DTNB: variants seen among roughly 807,000 people sequenced by gnomAD.
The protein encoded by DTNB is DTN-B.
A neutral mutation model predicts 90.7 loss-of-function variants in DTNB; 63 were observed. That is an observed-to-expected ratio of 0.69 (90% CI 0.57 to 0.86). The LOEUF (loss-of-function observed/expected upper bound fraction) is 0.86, where lower values mean the gene tolerates loss of function less well. Among genes scored for constraint, DTNB ranks in the 40% least tolerant of loss-of-function variants. The pLI is 0.00. For synonymous variants in DTNB, 277 were observed against 286.7 expected, an observed-to-expected ratio of 0.97 and a Z score of 0.34; for missense variants, 744 against 807.1, an observed-to-expected ratio of 0.92 and a Z score of 0.95.
chr2:25,445,528 A>C (rs2058270504), intron 12 of DTNB, among the ~76,000 whole-genome samples: 1 of 152,232 alleles, frequency 6.6e-6, no homozygotes, highest in Non-Finnish European at 1.5e-5. Flanking sequence ...TATGAAGATA[A>C]AACATAAATT....
chr2:25,520,788 T>A (rs2076004656), intron 9 of DTNB, among the ~76,000 whole-genome samples: 1 of 152,212 alleles, frequency 6.6e-6, no homozygotes, highest in Admixed American at 6.5e-5. Flanking sequence ...AAGTAATGTA[T>A]ACACAGAGTC....
chr2:25,531,510 C>A lies in DTNB; in HGVS notation c.964G>T (p.Glu322Ter). Residue 322 changes from glutamate (E) to a stop codon, truncating the protein, a stop_gained, in exon 9 of 21, where the codon GAG becomes TAG. Transcript: ENST00000406818. LOFTEE classifies it high-confidence loss of function. ...AGGTCAAGTGGTTTCTCTGGTTGCT[C>A]AGGAAAAACAGGATGCGGGGGTTCT... Reference protein sequence around the residue: ...TREPPHPVFPEQPEKPLDLAH... With the variant: ...TREPPHPVFP 6.2e-7 allele frequency: 1 copy of A among 1,613,924 alleles called. No homozygotes were observed. The highest frequency in any genetic ancestry group is 1.1e-5 in the South Asian group (1 of 91,074).
At chr2:25,435,666 A>G (rs963868907) in intron 12 of DTNB, among the ~76,000 whole-genome samples, 3 of 152,134 alleles carry the variant, frequency 2.0e-5, no homozygotes, top group Non-Finnish European at 4.4e-5. Context: ...GGTTGTTACC[A>G]CTTTTCAGCT....
intron 10 of DTNB, among the ~76,000 whole-genome samples, chr2:25,464,389 G>A (rs1031252672): frequency 6.6e-6 from 1 of 152,200 alleles, no homozygotes; most frequent in African/African-American, 2.4e-5. Context: ...GACCCAACCA[G>A]AAAGAGCTCC....
intron 14 of DTNB, among the ~76,000 whole-genome samples, chr2:25,428,435 CT>C (rs1231871744): frequency 0.013 from 1,898 of 141,076 alleles, 15 homozygotes; most frequent in African/African-American, 0.042. Context: ...ATCCTGCTTT[CT>C]TTTTTTTTTT....
rs984553316 is a variant in DTNB, at chr2:25,616,863, C to T, written c.363-9542G>A. 2.3e-5 allele frequency among the ~76,000 whole-genome samples: 3 copies of T among 131,804 alleles called. No homozygotes were observed. In the Admixed American group the frequency reaches 2.7e-4, roughly 12 times the overall value. The allele number at this position is 131,804 out of a possible 152,430, so 86.5% of individuals were successfully genotyped here. ...AGGAGAATGGCGTGAACCCAGGAGGCGGAGCTTGCAGTGAGCCGAGATCGC... is the reference window on the plus strand; with the variant it reads ...AGGAGAATGGCGTGAACCCAGGAGGTGGAGCTTGCAGTGAGCCGAGATCGC... On this transcript the variant is annotated intron_variant, in intron 4 of 20. Transcript: ENST00000406818.
intron 9 of DTNB, 141 bp downstream of exon 9, chr2:25,531,331 GA>G (rs139365235): frequency 6.0e-4 from 787 of 1,315,178 alleles, no homozygotes; most frequent in Non-Finnish European, 7.7e-4. Context: ...AAGAAAGCTT[GA>G]AGTCTTAAGT....
chr2:25,608,522 A>G (rs2067657853), intron 4 of DTNB, among the ~76,000 whole-genome samples: 1 of 152,240 alleles, frequency 6.6e-6, no homozygotes, highest in African/African-American at 2.4e-5. Flanking sequence ...AGAAATAAAG[A>G]TACAGCTCCA....
intron 9 of DTNB, among the ~76,000 whole-genome samples, chr2:25,524,648 A>T (rs1273616615): frequency 2.6e-5 from 4 of 152,074 alleles, no homozygotes; most frequent in Non-Finnish European, 5.9e-5. Flanking sequence ...GGTATGTGTC[A>T]TTTCTGAACC....
At chr2:25,614,711 G>A (rs2148589975) in intron 4 of DTNB, among the ~76,000 whole-genome samples, 1 of 152,282 alleles carries the variant, frequency 6.6e-6, no homozygotes, top group East Asian at 1.9e-4. Flanking sequence ...TCTCTAAACT[G>A]CTCAGAATCC....
intron 6 of DTNB, among the ~76,000 whole-genome samples, chr2:25,587,524 C>T (rs577182382): frequency 1.3e-5 from 2 of 152,240 alleles, no homozygotes; most frequent in South Asian, 2.1e-4. Context: ...TGACCTGGAC[C>T]GACAGCCCCA....
intron 2 of DTNB, among the ~76,000 whole-genome samples, chr2:25,639,734 C>T (rs143026590): frequency 7.2e-4 from 109 of 152,286 alleles, no homozygotes; most frequent in African/African-American, 2.5e-3. Flanking sequence ...GTGACGGCCT[C>T]GCGGCACAGA....
chr2:25,667,306 T>C (rs1559448629), intron 1 of DTNB, among the ~76,000 whole-genome samples: 2 of 151,996 alleles, frequency 1.3e-5, no homozygotes, highest in African/African-American at 4.8e-5. Context: ...CTGGCCAACA[T>C]GGTGAAACCC....
intron 9 of DTNB, among the ~76,000 whole-genome samples, chr2:25,505,028 T>C (rs1418379733): frequency 1.3e-5 from 2 of 152,208 alleles, no homozygotes; most frequent in African/African-American, 4.8e-5. Context: ...AATTGCCCAT[T>C]ACTCTCTCCA....
intron 6 of DTNB, among the ~76,000 whole-genome samples, chr2:25,589,547 A>AT (rs2063156514): frequency 6.6e-6 from 1 of 150,760 alleles, no homozygotes; most frequent in South Asian, 2.1e-4. Flanking sequence ...CGCCTGGCTA[A>AT]TTTTTGTATT....
intron 4 of DTNB, among the ~76,000 whole-genome samples, chr2:25,611,652 A>C (rs2068644968): frequency 6.6e-6 from 1 of 152,138 alleles, no homozygotes; most frequent in Non-Finnish European, 1.5e-5. Flanking sequence ...TTCAAGAAGA[A>C]GTCCGTCCTT....
At chr2:25,630,797 T>A (rs2075503689) in intron 3 of DTNB, among the ~76,000 whole-genome samples, 2 of 132,688 alleles carry the variant, frequency 1.5e-5, no homozygotes, top group South Asian at 4.7e-4. Flanking sequence ...TGAGCCAAGA[T>A]TACACCACTG....
Position 25,576,784 on chromosome 2 carries a change from T to C in DTNB, c.876+54A>G. Reference sequence around the variant, plus strand: ...ATGAGGAAACTGGCCCAGGTGCTGTTACTGATCAAACAGATTAACACTCAG... The same window carrying C: ...ATGAGGAAACTGGCCCAGGTGCTGTCACTGATCAAACAGATTAACACTCAG... On this transcript the variant is annotated intron_variant, in intron 8 of 20. Coordinates refer to ENST00000406818, the MANE Select transcript of DTNB (RefSeq NM_021907.5). The C allele has an allele frequency of 2.0e-6, 3 of 1,524,400 alleles. No homozygotes were observed. The South Asian group carries it at 3.8e-5, about 19-fold the overall frequency. The allele number at this position is 1,524,400 out of a possible 1,614,324, so 94.4% of individuals were successfully genotyped here.
intron 4 of DTNB, among the ~76,000 whole-genome samples, chr2:25,625,831 C>T (rs1559286509): frequency 6.6e-6 from 1 of 152,070 alleles, no homozygotes; most frequent in Non-Finnish European, 1.5e-5. Flanking sequence ...ATCCTAACCC[C>T]CAAGGTACGG....
Sources: allele counts gnomAD v4.1 joint callset (sites outside exome capture counted in the v4.1 genomes callset), GRCh38; gene constraint gnomAD v4.1.1; transcripts MANE v1.5; gene names NCBI Gene and HGNC (gene_info 2026-07-23, HGNC 2026-07-21).